The following PCDH15 variants were observed in gnomAD, a reference collection of about 807,000 sequenced individuals.
The protein encoded by PCDH15 is protocadherin related 15.
PCDH15 carries 129 observed loss-of-function variants against 178.5 expected under a neutral mutation model. The observed-to-expected ratio is 0.72, with a 90% CI of 0.63 to 0.84. The LOEUF (loss-of-function observed/expected upper bound fraction) is 0.84, where lower values mean the gene tolerates loss of function less well. PCDH15 is among the 40% of genes least tolerant of loss of function. The probability of loss-of-function intolerance (pLI) is 0.00; values close to 1 mark genes in which losing one functional copy is unlikely to be tolerated. For missense variants in PCDH15, 2,230 were observed against 2,099.9 expected, an observed-to-expected ratio of 1.06 and a Z score of -1.21; for synonymous variants, 800 against 732.0, an observed-to-expected ratio of 1.09 and a Z score of -1.50.
intron 1 of PCDH15, among the ~76,000 whole-genome samples, chr10:55,236,285 C>G (rs1841384725): frequency 6.6e-6 from 1 of 151,942 alleles, no homozygotes; most frequent in Admixed American, 6.6e-5. Flanking sequence ...GAAAATGCCT[C>G]TTCAAAATTA....
At chr10:54,570,331 A>C (rs2089637501) in intron 2 of PCDH15, among the ~76,000 whole-genome samples, 1 of 152,196 alleles carries the variant, frequency 6.6e-6, no homozygotes, top group African/African-American at 2.4e-5. Flanking sequence ...CATACAATCT[A>C]GTTTTTAGGT....
At chr10:55,543,907 A>C (rs1379745783) in intron 2 of PCDH15, among the ~76,000 whole-genome samples, 1 of 151,276 alleles carries the variant, frequency 6.6e-6, no homozygotes, top group Non-Finnish European at 1.5e-5. Context: ...AATTTCCTCA[A>C]TATGAACTAT....
At chr10:53,809,129 CA>C (rs2075772481) in intron 37 of PCDH15, 2 of 1,613,796 alleles carry the variant, frequency 1.2e-6, no homozygotes, top group African/African-American at 1.3e-5. Flanking sequence ...TCTTCTGATT[CA>C]GGGGTGGAAC....
intron 3 of PCDH15, among the ~76,000 whole-genome samples, chr10:54,831,406 T>A (rs1309786350): frequency 6.6e-6 from 1 of 152,128 alleles, no homozygotes; most frequent in Non-Finnish European, 1.5e-5. Flanking sequence ...AAGTAAGGTA[T>A]AGGATTGAAT....
intron 2 of PCDH15, among the ~76,000 whole-genome samples, chr10:55,416,112 T>C (rs1482150529): frequency 6.6e-6 from 1 of 151,614 alleles, no homozygotes; most frequent in Non-Finnish European, 1.5e-5. Flanking sequence ...AAGAAAGACA[T>C]ATATAATATA....
intron 15 of PCDH15, among the ~76,000 whole-genome samples, chr10:54,116,663 T>C (rs1344133483): frequency 1.3e-5 from 2 of 152,180 alleles, no homozygotes; most frequent in Non-Finnish European, 2.9e-5. Context: ...AGATTTGCAT[T>C]GGGCCTTGCC....
chr10:54,179,748 T>A (rs2047801070), intron 13 of PCDH15, among the ~76,000 whole-genome samples: 1 of 152,140 alleles, frequency 6.6e-6, no homozygotes, highest in Non-Finnish European at 1.5e-5. Flanking sequence ...AATACAAACA[T>A]CTTAGAATGA....
rs150297857 is a variant in PCDH15 at position 55,625,469 on chromosome 10, C to T, written c.-156+2156G>A. Among the ~76,000 whole-genome samples the T allele has an allele frequency of 5.7e-3, 868 of 152,190 alleles. 9 individuals are homozygous for T. The highest frequency in any genetic ancestry group is 0.02 in the African/African-American group (837 of 41,530). On this transcript the variant is annotated intron_variant, in intron 2 of 5. Transcript: ENST00000613346. ...CTTGAACTAGCAGAACTGGAATCACCCATCCTGTTAGATATGCAATTAATT... is the reference window on the plus strand; with the variant it reads ...CTTGAACTAGCAGAACTGGAATCACTCATCCTGTTAGATATGCAATTAATT...
At chr10:54,157,286 G>T (rs1256740224) in intron 13 of PCDH15, among the ~76,000 whole-genome samples, 3 of 152,238 alleles carry the variant, frequency 2.0e-5, no homozygotes, top group African/African-American at 7.2e-5. Context: ...GGGCAACCAG[G>T]TGTTTCCATA....
intron 3 of PCDH15, among the ~76,000 whole-genome samples, chr10:54,468,146 C>G (rs2077654054): frequency 6.6e-6 from 1 of 151,668 alleles, no homozygotes; most frequent in South Asian, 2.1e-4. Context: ...TATTTTCAGC[C>G]TGTATTTTGT....
At chr10:55,433,078 C>T (rs1053731929) in intron 2 of PCDH15, among the ~76,000 whole-genome samples, 1 of 151,834 alleles carries the variant, frequency 6.6e-6, no homozygotes, top group African/African-American at 2.4e-5. Context: ...TAGCATTCGA[C>T]CCAGCAATTT....
intron 2 of PCDH15, among the ~76,000 whole-genome samples, chr10:54,600,946 G>C (rs117780388): frequency 0.01 from 1,587 of 152,092 alleles, 10 homozygotes; most frequent in Non-Finnish European, 0.016. Flanking sequence ...GAGATGTCTT[G>C]AGATGTATTA....
intron 2 of PCDH15, among the ~76,000 whole-genome samples, chr10:55,348,192 T>A (rs1365226953): frequency 5.3e-5 from 8 of 152,144 alleles, no homozygotes; most frequent in Admixed American, 6.6e-5. Flanking sequence ...TAAATTTAAT[T>A]CAATTTAAAA....
rs374289557 is a variant in PCDH15 at position 54,217,921 on chromosome 10, G to GTT, written c.986-3875_986-3874dup. On this transcript the variant is annotated intron_variant, in intron 9 of 37. Transcript: ENST00000644397. ...TTCAAGAGCCAAAAGGCTTTTTTTT[G>GTT]TTTTTTTGTTTTTTAAGCTAAAGAT... is the stretch of plus-strand genomic sequence containing the variant. 3.6e-3 allele frequency among the ~76,000 whole-genome samples: 543 copies of GTT among 151,778 alleles called. 3 individuals are homozygous for GTT. The highest frequency in any genetic ancestry group is 0.012 in the African/African-American group (511 of 41,424).
chr10:55,505,927 A>G (rs1196997654), intron 2 of PCDH15, among the ~76,000 whole-genome samples: 2 of 151,434 alleles, frequency 1.3e-5, no homozygotes, highest in Non-Finnish European at 3.0e-5. Context: ...AAAAATAAGT[A>G]CAAAAACAAG....
At chr10:55,277,903 G>A (rs1842636167) in intron 1 of PCDH15, among the ~76,000 whole-genome samples, 2 of 151,954 alleles carry the variant, frequency 1.3e-5, no homozygotes, top group Admixed American at 6.6e-5. Flanking sequence ...TGTCTTTTCT[G>A]ATCCCCACTG....
chr10:54,415,649 T>C (rs1954238916), intron 3 of PCDH15, among the ~76,000 whole-genome samples: 1 of 152,078 alleles, frequency 6.6e-6, no homozygotes, highest in African/African-American at 2.4e-5. Flanking sequence ...ATTCAAAGAT[T>C]ATAAAATGTA....
rs561144747 is a variant in PCDH15, at chr10:53,810,570, ATTC to A, written c.4654_4656del (p.Glu1552del). On this transcript the variant is annotated inframe_deletion, in exon 37 of 38. Coordinates refer to ENST00000644397, the MANE Select transcript of PCDH15 (RefSeq NM_001384140.1). ...ACAGTAATTACCTCTTCCTCCTCAT[ATTC>A]TTCCTCAGCTTCACCAACCACCTCA... 550 of 1,613,550 alleles carry A rather than the reference ATTC, an allele frequency of 3.4e-4. No homozygotes were observed. The African/African-American group carries it at 6.4e-3, about 19-fold the overall frequency.
intron 8 of PCDH15, among the ~76,000 whole-genome samples, chr10:54,283,905 T>C (rs1317698706): frequency 2.0e-5 from 3 of 152,156 alleles, no homozygotes; most frequent in South Asian, 2.1e-4. Flanking sequence ...CTGGGATGCA[T>C]TGGCACAATC....
Sources: allele counts gnomAD v4.1 joint callset (sites outside exome capture counted in the v4.1 genomes callset), GRCh38; gene constraint gnomAD v4.1.1; transcripts MANE v1.5; gene names NCBI Gene and HGNC (gene_info 2026-07-23, HGNC 2026-07-21).